Variants in OSTF1 observed in about 807,000 individuals in gnomAD.
OSTF1 encodes osteoclast-stimulating factor 1.
A neutral mutation model predicts 37.2 loss-of-function variants in OSTF1; 27 were observed. The ratio of observed to expected loss-of-function variants is 0.73; its 90% CI spans 0.54 to 1.00. The LOEUF (loss-of-function observed/expected upper bound fraction) is 1.00, where lower values mean the gene tolerates loss of function less well. OSTF1 is among the 50% of genes least tolerant of loss of function. The pLI, the probability that OSTF1 is intolerant of heterozygous loss-of-function variation, is 0.00. For synonymous variants in OSTF1, 82 were observed against 89.2 expected (o/e 0.92, Z 0.46); for missense variants, 232 against 253.8 (o/e 0.91, Z 0.58).
intron 1 of OSTF1, among the ~76,000 whole-genome samples, chr9:75,102,197 ACTCCTGGC>A (rs1825205130): frequency 1.3e-5 from 2 of 151,806 alleles, no homozygotes; most frequent in Non-Finnish European, 2.9e-5. Context: ...CTGATCCTGA[ACTCCTGGC>A]CTCAAGTGAT....
intron 1 of OSTF1, among the ~76,000 whole-genome samples, chr9:75,101,653 A>G (rs1825195726): frequency 6.6e-6 from 1 of 152,132 alleles, no homozygotes; most frequent in Non-Finnish European, 1.5e-5. Context: ...GTGTTTTATA[A>G]TCTTTCTCCT....
intron 2 of OSTF1, among the ~76,000 whole-genome samples, chr9:75,120,085 T>C (rs1825555144): frequency 6.6e-6 from 1 of 152,224 alleles, no homozygotes; most frequent in Admixed American, 6.5e-5. Flanking sequence ...ACAGATGCTC[T>C]TCAACTTATG....
At chr9:75,141,945 GC>G (rs1825951258) in intron 9 of OSTF1, among the ~76,000 whole-genome samples, 1 of 151,918 alleles carries the variant, frequency 6.6e-6, no homozygotes, top group African/African-American at 2.4e-5. Flanking sequence ...TAGGGGTCTT[GC>G]CATGTTGTCC....
chr9:75,110,044 A>T (rs1228655275), intron 1 of OSTF1, among the ~76,000 whole-genome samples: 1 of 152,198 alleles, frequency 6.6e-6, no homozygotes, highest in Non-Finnish European at 1.5e-5. Flanking sequence ...TCTTAAAAAG[A>T]CATTTGTTAG....
Position 75,130,604 on chromosome 9 carries a change from C to A in OSTF1, c.159C>A (p.Thr53=). The change falls in exon 4 of 10, where the codon ACC becomes ACA. Residue 53 remains threonine (T), a synonymous_variant. Coordinates refer to ENST00000346234, the MANE Select transcript of OSTF1 (RefSeq NM_012383.5). ...GCGATACCAATTGGTGGAAAGGCAC[C>A]TCCAAAGGCAGGACTGGACTAATTC... ...DMSDTNWWKG[T]SKGRTGLIPS... is the part of the protein sequence containing the mutation. 6.2e-7 allele frequency: 1 copy of A among 1,612,040 alleles called. No homozygotes were observed. The highest frequency in any genetic ancestry group is 8.5e-7 in the Non-Finnish European group (1 of 1,178,166).
intron 2 of OSTF1, among the ~76,000 whole-genome samples, chr9:75,125,102 C>T (rs1825640699): frequency 6.6e-6 from 1 of 152,200 alleles, no homozygotes; most frequent in African/African-American, 2.4e-5. Context: ...ATTTTCCTGA[C>T]ACTCTTCTTC....
chr9:75,146,616 T>C, intron 9 of OSTF1, 67 bp from the exon 10 acceptor site: 1 of 1,074,762 alleles, frequency 9.3e-7, no homozygotes, highest in Non-Finnish European at 1.4e-6. Context: ...GCTTTGAAAA[T>C]GAAAAAATAA....
chr9:75,111,712 C>T lies in OSTF1; in HGVS notation c.35-5792C>T, dbSNP rs78746165. Among the ~76,000 whole-genome samples, 68 of 151,088 alleles carry T rather than the reference C, an allele frequency of 4.5e-4. No individual in the cohort carries two copies. In the East Asian group the frequency reaches 9.7e-3, roughly 22 times the overall value. On this transcript the variant is annotated intron_variant, in intron 1 of 9. Transcript: ENST00000346234. Reference sequence around the variant, plus strand: ...GACAATGATCAAGCTTGAGGGAGCCCGAGGAAAGCATCTAACTTAGCCTCC... The same window carrying T: ...GACAATGATCAAGCTTGAGGGAGCCTGAGGAAAGCATCTAACTTAGCCTCC...
chr9:75,132,136 GA>G (rs1172075998), intron 5 of OSTF1, among the ~76,000 whole-genome samples: 6 of 152,218 alleles, frequency 3.9e-5, no homozygotes, highest in African/African-American at 1.4e-4. Context: ...GGGAGAGAGA[GA>G]TGTAACAGAT....
chr9:75,088,531 T>A lies in OSTF1; in HGVS notation c.-162T>A, dbSNP rs1824847563. ...GGCGGAGCACTCGGCGGAGCCGCTC[T>A]GCCTGCGTCCGCTCTTCCCGCAGCC... On this transcript the variant is annotated 5_prime_UTR_variant, in exon 1 of 10. Coordinates refer to ENST00000346234, the MANE Select transcript of OSTF1 (RefSeq NM_012383.5). 1.3e-6 allele frequency: 1 copy of A among 746,928 alleles called. No homozygotes were observed. Among genetic ancestry groups the A allele is most frequent in the Non-Finnish European group, 2.2e-6 (1 of 449,834 alleles). 46.3% of individuals were successfully genotyped at this position (746,928 alleles called of 1,614,324 possible).
intron 1 of OSTF1, among the ~76,000 whole-genome samples, chr9:75,092,249 G>A (rs192511944): frequency 2.0e-4 from 30 of 152,194 alleles, no homozygotes; most frequent in African/African-American, 7.0e-4. Flanking sequence ...GGGAAGTCCC[G>A]GGCAGATGCT....
chr9:75,132,972 TACACACACACACACAC>T (rs57913558), intron 5 of OSTF1, among the ~76,000 whole-genome samples: 13 of 60,226 alleles, frequency 2.2e-4, no homozygotes, highest in South Asian at 1.0e-3. Flanking sequence ...TACACACACA[TACACACACACACACAC>T]ACACACACAC....
Position 75,088,656 on chromosome 9 carries a change from G to A in OSTF1, c.-37G>A. The A allele has an allele frequency of 6.3e-7, 1 of 1,599,528 alleles. No homozygotes were observed. Among genetic ancestry groups the A allele is most frequent in the South Asian group, 1.1e-5 (1 of 89,196 alleles). On this transcript the variant is annotated 5_prime_UTR_variant, in exon 1 of 10. Coordinates refer to ENST00000346234, the MANE Select transcript of OSTF1 (RefSeq NM_012383.5). ...GTGGCGGGCAAGCGGTGGGCTTTTC[G>A]GCGGGGTCTTTAGGATTTGCAGCTC...
chr9:75,111,136 C>A (rs4745379), intron 1 of OSTF1, among the ~76,000 whole-genome samples: 1 of 152,166 alleles, frequency 6.6e-6, no homozygotes, highest in Non-Finnish European at 1.5e-5. Flanking sequence ...CCCAGGCCCG[C>A]CTAAGTGCTG....
chr9:75,111,191 A>C (rs1443190108), intron 1 of OSTF1, among the ~76,000 whole-genome samples: 2 of 152,126 alleles, frequency 1.3e-5, no homozygotes, highest in Non-Finnish European at 2.9e-5. Flanking sequence ...TGTTTGCATA[A>C]CTTAGAGCAG....
chr9:75,115,171 A>C (rs528765442), intron 1 of OSTF1, among the ~76,000 whole-genome samples: 1 of 152,342 alleles, frequency 6.6e-6, no homozygotes, highest in Non-Finnish European at 1.5e-5. Flanking sequence ...TAATTTCTGA[A>C]GTAGTCTTCC....
intron 1 of OSTF1, among the ~76,000 whole-genome samples, chr9:75,115,890 A>T (rs1825480147): frequency 6.6e-6 from 1 of 151,978 alleles, no homozygotes; most frequent in Non-Finnish European, 1.5e-5. Flanking sequence ...GATCGCTTGA[A>T]GTCAGGAGTT....
chr9:75,111,975 C>T (rs1423717396), intron 1 of OSTF1, among the ~76,000 whole-genome samples: 1 of 151,650 alleles, frequency 6.6e-6, no homozygotes, highest in African/African-American at 2.4e-5. Flanking sequence ...AGGTGTGTGC[C>T]ACCACGCCCA....
intron 1 of OSTF1, 125 bp downstream of exon 1, chr9:75,088,851 C>T (rs904381775): frequency 1.2e-4 from 107 of 879,354 alleles, no homozygotes; most frequent in Non-Finnish European, 1.8e-5. Flanking sequence ...GAGATCGGCC[C>T]CACCGGGATG....
Sources: gnomAD v4.1 joint callset for allele counts (sites outside exome capture counted in the v4.1 genomes callset) on GRCh38, gnomAD v4.1.1 for gene constraint, MANE v1.5 for transcripts, NCBI Gene and HGNC (gene_info 2026-07-23, HGNC 2026-07-21) for gene names.